The following SNRPN variants were observed in gnomAD, a reference collection of about 807,000 sequenced individuals.
The protein encoded by SNRPN is small nuclear ribonucleoprotein polypeptide N.
Under a neutral mutation model 25.2 loss-of-function variants are expected in SNRPN, and 7 were observed. That is an observed-to-expected ratio of 0.28 (90% CI 0.16 to 0.52). The LOEUF (loss-of-function observed/expected upper bound fraction) is 0.52, where lower values mean the gene tolerates loss of function less well. SNRPN is among the 20% of genes least tolerant of loss of function. The pLI is 0.96. For synonymous variants in SNRPN, 124 were observed against 110.6 expected, an observed-to-expected ratio of 1.12 and a Z score of -0.76; for missense variants, 196 against 322.5, an observed-to-expected ratio of 0.61 and a Z score of 3.00.
At chr15:24,925,843 GC>G (rs757308390) in intron 3 of SNRPN, among the ~76,000 whole-genome samples, 3 of 151,818 alleles carry the variant, frequency 2.0e-5, no homozygotes, top group Non-Finnish European at 4.4e-5. Flanking sequence ...CCAGGTTCAC[GC>G]CATTCTCTGG....
intron 2 of SNRPN, chr15:24,850,318 T>A (rs535880478): frequency 3.0e-4 from 45 of 152,344 alleles, no homozygotes; most frequent in African/African-American, 1.1e-3. Flanking sequence ...GTCCAATTTT[T>A]TTTTTTGTCT....
chr15:24,968,030 G>A lies in SNRPN; in HGVS notation c.-196G>A, dbSNP rs1445775068. The stretch of plus-strand genomic sequence containing the variant: ...GCATTCTTAGCTGAGACACCAAGAG[G>A]TGGTTAAAGCCATATTGGAGTAGCG... On this transcript the variant is annotated 5_prime_UTR_variant, in exon 3 of 10. In the 5' UTR this introduces an upstream ATG that the reference lacks. Transcript: ENST00000390687. The A allele has an allele frequency of 6.2e-7, 1 of 1,614,060 alleles. No homozygotes were observed. Among genetic ancestry groups the A allele is most frequent in the Admixed American group, 1.7e-5 (1 of 60,020 alleles).
chr15:24,844,131 A>AGTGTGTGT (rs138942935), intron 2 of SNRPN, among the ~76,000 whole-genome samples: 5 of 149,644 alleles, frequency 3.3e-5, no homozygotes, highest in Non-Finnish European at 7.4e-5. Context: ...GTGTGTCTGT[A>AGTGTGTGT]GTGTGTGTGT....
chr15:24,954,805 A>G, upstream of SNRPN: 2 of 590,166 alleles, frequency 3.4e-6, no homozygotes, highest in Admixed American at 6.0e-5. Flanking sequence ...TCTCATTGCA[A>G]CAGTGCTGTG....
At chr15:24,882,329 GAAA>G (rs752671654) in intron 1 of SNRPN, among the ~76,000 whole-genome samples, 45 of 151,714 alleles carry the variant, frequency 3.0e-4, no homozygotes, top group Non-Finnish European at 5.4e-4. Context: ...TAAAAGGGAA[GAAA>G]AAAAACTACC....
rs759379892 is a variant in SNRPN, at chr15:24,978,471, T to G, written c.*27T>G. ...ATACTGTTGATCCATCTCAGTCACT[T>G]TTTCCCCTGCAATGCGTCTTGTGAA... On this transcript the variant is annotated 3_prime_UTR_variant, in exon 10 of 10. Coordinates refer to ENST00000390687, the MANE Select transcript of SNRPN (RefSeq NM_003097.6). The G allele has an allele frequency of 1.2e-6, 2 of 1,608,392 alleles. No individual in the cohort carries two copies. Among genetic ancestry groups the G allele is most frequent in the Non-Finnish European group, 1.7e-6 (2 of 1,175,752 alleles).
chr15:24,843,662 C>T (rs2051898744), intron 2 of SNRPN, among the ~76,000 whole-genome samples: 2 of 152,030 alleles, frequency 1.3e-5, no homozygotes, highest in African/African-American at 4.8e-5. Context: ...TGGTGCATGC[C>T]TATAATCCCA....
chr15:24,839,308 T>C (rs2051473563), intron 2 of SNRPN, among the ~76,000 whole-genome samples: 1 of 151,998 alleles, frequency 6.6e-6, no homozygotes. Context: ...GTTTTGCTGG[T>C]CATGTAGTGA....
chr15:24,884,974 G>A (rs2057064055), intron 1 of SNRPN, among the ~76,000 whole-genome samples: 1 of 152,286 alleles, frequency 6.6e-6, no homozygotes, highest in Non-Finnish European at 1.5e-5. Context: ...GAAATGCCTT[G>A]TATTTAAGTT....
upstream of SNRPN, chr15:24,954,880 C>G: frequency 2.2e-6 from 2 of 919,114 alleles, no homozygotes; most frequent in South Asian, 3.1e-5. Flanking sequence ...AGCTGGGACC[C>G]CTGCACTGCG....
At chr15:24,930,659 T>C (rs2060775049) in intron 3 of SNRPN, among the ~76,000 whole-genome samples, 1 of 150,682 alleles carries the variant, frequency 6.6e-6, no homozygotes, top group Admixed American at 6.6e-5. Flanking sequence ...CCCAGTACTT[T>C]GGGAGGCCGG....
chr15:24,977,746 C>A, intron 7 of SNRPN, 32 bp from the exon 8 acceptor site: 1 of 1,550,790 alleles, frequency 6.4e-7, no homozygotes, highest in Non-Finnish European at 8.7e-7. Flanking sequence ...AGGTTTGCAT[C>A]GCTTTGACTG....
At chr15:24,923,455 C>A (rs546802630) in intron 3 of SNRPN, among the ~76,000 whole-genome samples, 1 of 152,292 alleles carries the variant, frequency 6.6e-6, no homozygotes, top group Admixed American at 6.5e-5. Flanking sequence ...CTTACACACG[C>A]ACCATCCATT....
At chr15:24,931,623 G>A (rs1370082897) in intron 3 of SNRPN, among the ~76,000 whole-genome samples, 1 of 151,490 alleles carries the variant, frequency 6.6e-6, no homozygotes, top group Non-Finnish European at 1.5e-5. Context: ...TGAATGGCTT[G>A]AGTTCTGGAG....
chr15:24,846,810 GTT>G (rs2052242334), intron 2 of SNRPN, among the ~76,000 whole-genome samples: 1 of 152,128 alleles, frequency 6.6e-6, no homozygotes, highest in African/African-American at 2.4e-5. Flanking sequence ...GATTTTTATA[GTT>G]TTCTAAGGTT....
At chr15:24,866,698 C>G (rs1457320898) in intron 1 of SNRPN, among the ~76,000 whole-genome samples, 8 of 152,198 alleles carry the variant, frequency 5.3e-5, no homozygotes, top group Non-Finnish European at 7.3e-5. Context: ...CAACCCCACC[C>G]TCAACCCCAG....
At chr15:24,923,923 ATTTTTTTTTTTTTT>A (rs34575205) in intron 3 of SNRPN, among the ~76,000 whole-genome samples, 1 of 89,908 alleles carries the variant, frequency 1.1e-5, no homozygotes, top group Non-Finnish European at 2.0e-5. Flanking sequence ...GTATATAAAC[ATTTTTTTTTTTTTT>A]TTTTTTTTTT....
intron 2 of SNRPN, chr15:24,848,231 T>TGC (rs2052399459): frequency 2.1e-5 from 2 of 95,434 alleles, no homozygotes; most frequent in Admixed American, 1.1e-4. Flanking sequence ...GGGGCGGCGG[T>TGC]GGGGGCGGGG....
chr15:24,925,367 T>C (rs1379182347), intron 3 of SNRPN, among the ~76,000 whole-genome samples: 1 of 152,036 alleles, frequency 6.6e-6, no homozygotes, highest in Non-Finnish European at 1.5e-5. Flanking sequence ...TACAGCACTT[T>C]GGGAGGCTGA....
Sources: gnomAD v4.1 joint callset for allele counts (sites outside exome capture counted in the v4.1 genomes callset) on GRCh38, gnomAD v4.1.1 for gene constraint, MANE v1.5 for transcripts, NCBI Gene and HGNC (gene_info 2026-07-23, HGNC 2026-07-21) for gene names.